The following SETD2 variants were observed in gnomAD, a reference collection of about 807,000 sequenced individuals.
SETD2 encodes SET domain containing 2, histone lysine methyltransferase, also known as histone-lysine N-methyltransferase SETD2.
A neutral mutation model predicts 242.1 loss-of-function variants in SETD2; 31 were observed. That is an observed-to-expected ratio of 0.13 (90% CI 0.10 to 0.17). The LOEUF is 0.17. SETD2 is among the 10% of genes least tolerant of loss of function. The pLI, the probability that SETD2 is intolerant of heterozygous loss-of-function variation, is 1.00. For synonymous variants in SETD2, 1,006 were observed against 1,066.5 expected (o/e 0.94, Z 1.11); for missense variants, 2,481 against 3,046.3 (o/e 0.81, Z 4.37).
At chr3:47,051,250 G>A (rs531679537) in intron 15 of SETD2, among the ~76,000 whole-genome samples, 4 of 152,082 alleles carry the variant, frequency 2.6e-5, no homozygotes, top group African/African-American at 9.6e-5. Flanking sequence ...GACTACAGGA[G>A]CATGCCACCA....
intron 18 of SETD2, among the ~76,000 whole-genome samples, chr3:47,021,251 A>G (rs1478444040): frequency 6.6e-6 from 1 of 152,158 alleles, no homozygotes; most frequent in African/African-American, 2.4e-5. Context: ...ACTCTCTTGT[A>G]GCTCTCAGAA....
chr3:47,115,033 G>C (rs1366991414), intron 4 of SETD2, among the ~76,000 whole-genome samples: 2 of 152,094 alleles, frequency 1.3e-5, no homozygotes, highest in Non-Finnish European at 2.9e-5. Flanking sequence ...AAGCTTTCAG[G>C]AGGGAAGAGA....
chr3:47,104,165 T>C (rs561124153), intron 6 of SETD2, among the ~76,000 whole-genome samples: 12 of 152,150 alleles, frequency 7.9e-5, no homozygotes, highest in Admixed American at 2.6e-4. Context: ...AACTGAATTT[T>C]ATTAAGCCAG....
intron 9 of SETD2, among the ~76,000 whole-genome samples, chr3:47,089,439 C>A (rs1335711249): frequency 6.6e-6 from 1 of 151,980 alleles, no homozygotes; most frequent in African/African-American, 2.4e-5. Flanking sequence ...ACAGTGAAAT[C>A]CTGTCTCAAA....
intron 18 of SETD2, among the ~76,000 whole-genome samples, chr3:47,034,616 T>C (rs545221913): frequency 2.0e-5 from 3 of 152,296 alleles, no homozygotes; most frequent in African/African-American, 7.2e-5. Context: ...TAAGCTATGC[T>C]TGCACCACTG....
intron 9 of SETD2, among the ~76,000 whole-genome samples, chr3:47,094,570 T>C (rs752342563): frequency 6.6e-6 from 1 of 152,208 alleles, no homozygotes; most frequent in Non-Finnish European, 1.5e-5. Flanking sequence ...TCTGTGATTC[T>C]GCTTCTGTGA....
intron 5 of SETD2, among the ~76,000 whole-genome samples, chr3:47,108,151 T>C (rs2042511809): frequency 1.3e-5 from 2 of 151,962 alleles, no homozygotes; most frequent in South Asian, 2.1e-4. Flanking sequence ...TTTAAAACAT[T>C]TTTTAAAAAC....
At chr3:47,111,827 G>A (rs1241681957) in intron 5 of SETD2, among the ~76,000 whole-genome samples, 4 of 151,210 alleles carry the variant, frequency 2.6e-5, no homozygotes, top group Non-Finnish European at 5.9e-5. Context: ...TTGCCAAGGG[G>A]AAAACAGTGA....
chr3:47,027,475 T>C (rs2038545005), intron 18 of SETD2, among the ~76,000 whole-genome samples: 2 of 151,728 alleles, frequency 1.3e-5, no homozygotes, highest in Non-Finnish European at 2.9e-5. Context: ...GACAAGTTAA[T>C]GGGTGCAGCA....
At chr3:47,117,322 G>A (rs568729890) in intron 3 of SETD2, among the ~76,000 whole-genome samples, 59 of 149,836 alleles carry the variant, frequency 3.9e-4, no homozygotes, top group African/African-American at 1.3e-3. Flanking sequence ...CTTAACCTTG[G>A]CAAATGGGGA....
At chr3:47,154,747 A>G (rs1367355176) in intron 1 of SETD2, among the ~76,000 whole-genome samples, 1 of 152,098 alleles carries the variant, frequency 6.6e-6, no homozygotes, top group African/African-American at 2.4e-5. Flanking sequence ...TAATCCCAAC[A>G]CTTTGGGAGG....
chr3:47,024,450 C>T (rs1372701451), intron 18 of SETD2, among the ~76,000 whole-genome samples: 4 of 152,120 alleles, frequency 2.6e-5, no homozygotes, highest in Non-Finnish European at 5.9e-5. Flanking sequence ...CCAGCCTGGG[C>T]GACAGAGTGA....
chr3:47,080,677 C>T (rs1559698138), intron 12 of SETD2: 1 of 396,378 alleles, frequency 2.5e-6, no homozygotes, highest in Non-Finnish European at 3.4e-6. Flanking sequence ...TGAATACATG[C>T]TCACAAGTGG....
Position 47,120,646 on chromosome 3 carries a change from G to A in SETD2, c.3990C>T (p.Ser1330=), listed in dbSNP as rs770558459. 3 of 1,613,960 alleles carry A rather than the reference G, an allele frequency of 1.9e-6. No individual in the cohort carries two copies. In the South Asian group the frequency reaches 3.3e-5, roughly 18 times the overall value. ...CCTCTTCTTCACGATCATCTGTTAG[G>A]GAATCTGGTACTTGTCCTTGAGTTC... ...YDRTQGQVPD[S]LTDDREEEEN... Residue 1330 remains serine (S), a synonymous_variant, in exon 3 of 21, where the codon TCC becomes TCT. Coordinates refer to ENST00000409792, the MANE Select transcript of SETD2 (RefSeq NM_014159.7).
At chr3:47,151,025 G>A (rs1218533472) in intron 1 of SETD2, among the ~76,000 whole-genome samples, 14 of 151,766 alleles carry the variant, frequency 9.2e-5, no homozygotes, top group East Asian at 5.8e-4. Flanking sequence ...AATAATGATC[G>A]TTACAAAGAA....
In SETD2 at chr3:47,116,759, T is replaced by C; in HGVS notation, c.4455-5A>G. ...CGATGAGATTTATTCTTCTTTCTAT[T>C]GGGTAAAATTTCATAAAAACTGATT... On this transcript the variant is annotated splice_polypyrimidine_tract_variant and splice_region_variant and intron_variant, in intron 3 of 20. Transcript: ENST00000409792. 1 of 1,577,304 alleles carries C rather than the reference T, an allele frequency of 6.3e-7. No homozygotes were observed. Among genetic ancestry groups the C allele is most frequent in the South Asian group, 1.1e-5 (1 of 87,624 alleles).
At chr3:47,161,097 G>A (rs776228961) in intron 1 of SETD2, among the ~76,000 whole-genome samples, 14 of 152,058 alleles carry the variant, frequency 9.2e-5, no homozygotes, top group Non-Finnish European at 1.6e-4. Flanking sequence ...AGTCTAAAAA[G>A]GGCACTTGGT....
Position 47,123,318 on chromosome 3 carries a change from A to G in SETD2, c.1318T>C (p.Tyr440His), listed in dbSNP as rs2043183636. The G allele has an allele frequency of 3.2e-6, 5 of 1,551,528 alleles. No homozygotes were observed. Among genetic ancestry groups the G allele is most frequent in the South Asian group, 1.2e-5 (1 of 84,080 alleles). ...CGAGAATAGCGCGTCCTCTCTCGAT[A>G]AGGGGAGCTCCTATGGTAGCGACGA... ...SDRRYHRSSP[Y>H]RERTRYSRPY... Residue 440 changes from tyrosine to histidine, a missense_variant, in exon 3 of 21, where the codon TAT (tyrosine) becomes CAT (histidine). By Grantham distance (83) the Tyr-to-His change is moderately conservative (BLOSUM62 2). Coordinates refer to ENST00000409792, the MANE Select transcript of SETD2 (RefSeq NM_014159.7).
intron 17 of SETD2, among the ~76,000 whole-genome samples, chr3:47,042,059 G>C (rs1310609085): frequency 6.6e-6 from 1 of 152,194 alleles, no homozygotes; most frequent in Non-Finnish European, 1.5e-5. Flanking sequence ...GAGTCTTGCA[G>C]ATTAGAAATA....
Sources: allele counts gnomAD v4.1 joint callset (sites outside exome capture counted in the v4.1 genomes callset), GRCh38; gene constraint gnomAD v4.1.1; transcripts MANE v1.5; gene names NCBI Gene and HGNC (gene_info 2026-07-23, HGNC 2026-07-21).